The following TM4SF4 variants were observed in gnomAD, a reference collection of about 807,000 sequenced individuals.
TM4SF4 encodes the protein transmembrane 4 L six family member 4.
In TM4SF4, 24 loss-of-function variants were observed where a neutral mutation model predicts 24.1. The ratio of observed to expected loss-of-function variants is 1.00; its 90% confidence interval spans 0.72 to 1.40. The LOEUF (loss-of-function observed/expected upper bound fraction) is 1.40, where lower values mean the gene tolerates loss of function less well. Ranked by LOEUF, TM4SF4 falls within the 40% of genes most tolerant of loss-of-function variation. TM4SF4 has a pLI of 0.00. For synonymous variants in TM4SF4, 113 were observed against 97.0 expected, an observed-to-expected ratio of 1.17 and a Z score of -0.97; for missense variants, 254 against 254.2, an observed-to-expected ratio of 1.00 and a Z score of 0.01.
chr3:149,483,655 C>T (rs1402030924), intron 2 of TM4SF4, among the ~76,000 whole-genome samples: 1 of 151,970 alleles, frequency 6.6e-6, no homozygotes, highest in African/African-American at 2.4e-5. Flanking sequence ...AAAGAAACTT[C>T]AAAAAAGCTC....
chr3:149,498,657 C>A, intron 3 of TM4SF4, 65 bp from the exon 4 acceptor site: 1 of 1,462,604 alleles, frequency 6.8e-7, no homozygotes, highest in Non-Finnish European at 9.5e-7. Context: ...GTTATGGTAA[C>A]TTTCTAGTGG....
intron 2 of TM4SF4, among the ~76,000 whole-genome samples, chr3:149,484,551 T>TG (rs1734085651): frequency 1.1e-5 from 1 of 91,142 alleles, no homozygotes; most frequent in Non-Finnish European, 2.3e-5. Flanking sequence ...ACCCCGCTAA[T>TG]TTTTTTTTTT....
At chr3:149,499,275 A>C (rs563687718) in intron 4 of TM4SF4, among the ~76,000 whole-genome samples, 7 of 152,342 alleles carry the variant, frequency 4.6e-5, no homozygotes, top group African/African-American at 1.7e-4. Flanking sequence ...ATATGGGTAC[A>C]GTGTCAGCGA....
At chr3:149,499,953 T>A (rs1734387345) in intron 4 of TM4SF4, among the ~76,000 whole-genome samples, 2 of 152,166 alleles carry the variant, frequency 1.3e-5, no homozygotes, top group Non-Finnish European at 2.9e-5. Flanking sequence ...TGTACATGTA[T>A]ACACACACAG....
chr3:149,479,958 AG>A (rs1176192145), intron 2 of TM4SF4, among the ~76,000 whole-genome samples: 1 of 152,196 alleles, frequency 6.6e-6, no homozygotes, highest in African/African-American at 2.4e-5. Flanking sequence ...AGATAAAGCA[AG>A]ACAATAAGCT....
At chr3:149,495,847 G>A (rs1372480153) in intron 3 of TM4SF4, 1 of 184,388 alleles carries the variant, frequency 5.4e-6, no homozygotes, top group Non-Finnish European at 1.1e-5. Flanking sequence ...GCCCATGTGT[G>A]TTGAGAGCTC....
At chr3:149,500,229 A>G (rs1209885226) in intron 4 of TM4SF4, among the ~76,000 whole-genome samples, 1 of 152,152 alleles carries the variant, frequency 6.6e-6, no homozygotes, top group Non-Finnish European at 1.5e-5. Flanking sequence ...GGAGGAAAAA[A>G]CAAAATTCTG....
At chr3:149,485,059 GT>G (rs2107869630) in intron 2 of TM4SF4, among the ~76,000 whole-genome samples, 1 of 152,310 alleles carries the variant, frequency 6.6e-6, no homozygotes, top group South Asian at 2.1e-4. Flanking sequence ...AAAATAAAGT[GT>G]TTGAGGAAAT....
intron 3 of TM4SF4, among the ~76,000 whole-genome samples, chr3:149,493,824 C>T (rs1034705367): frequency 6.6e-6 from 1 of 152,186 alleles, no homozygotes; most frequent in African/African-American, 2.4e-5. Flanking sequence ...GGAAACCAAA[C>T]CCAGGCTGAG....
At chr3:149,483,316 G>T (rs1734066058) in intron 2 of TM4SF4, among the ~76,000 whole-genome samples, 2 of 152,122 alleles carry the variant, frequency 1.3e-5, no homozygotes, top group African/African-American at 2.4e-5. Flanking sequence ...CTCTCAGTAA[G>T]AATTGTAGGC....
chr3:149,487,589 A>C, intron 2 of TM4SF4, 30 bp from the exon 3 acceptor site: 1 of 1,613,450 alleles, frequency 6.2e-7, no homozygotes, highest in Non-Finnish European at 8.5e-7. Flanking sequence ...CCACCTGGAG[A>C]ATGTGACTGT....
chr3:149,493,546 A>G (rs772315342), intron 3 of TM4SF4, among the ~76,000 whole-genome samples: 14 of 152,242 alleles, frequency 9.2e-5, no homozygotes, highest in Non-Finnish European at 1.8e-4. Context: ...GTTCAAATAA[A>G]GTAGCATCTC....
chr3:149,491,880 C>T (rs1734217113), intron 3 of TM4SF4, among the ~76,000 whole-genome samples: 5 of 152,180 alleles, frequency 3.3e-5, no homozygotes, highest in Admixed American at 2.0e-4. Flanking sequence ...CCTCAGAGCA[C>T]TGTGTGGCAG....
At chr3:149,476,786 T>C (rs542986966) in intron 2 of TM4SF4, among the ~76,000 whole-genome samples, 3 of 136,566 alleles carry the variant, frequency 2.2e-5, no homozygotes, top group South Asian at 4.4e-4. Flanking sequence ...TTCTTTTTTC[T>C]TTTCTGTTTT....
At chr3:149,480,820 C>G (rs1734021015) in intron 2 of TM4SF4, among the ~76,000 whole-genome samples, 1 of 151,884 alleles carries the variant, frequency 6.6e-6, no homozygotes, top group African/African-American at 2.4e-5. Flanking sequence ...CCCTAAGCTC[C>G]TATTTTTATT....
intron 3 of TM4SF4, among the ~76,000 whole-genome samples, chr3:149,497,139 C>T (rs1734325946): frequency 6.6e-6 from 1 of 152,210 alleles, no homozygotes. Context: ...CAGCTCTTTC[C>T]ATTAGACTAG....
intron 2 of TM4SF4, among the ~76,000 whole-genome samples, chr3:149,480,664 T>A (rs1388203353): frequency 3.3e-5 from 5 of 152,014 alleles, no homozygotes; most frequent in Non-Finnish European, 7.4e-5. Context: ...GCCAAAAGCA[T>A]CCCTAATCTA....
Position 149,474,773 on chromosome 3 carries a change from T to C in TM4SF4, c.-105T>C, listed in dbSNP as rs1733892645. 7.3e-6 allele frequency: 9 copies of C among 1,239,956 alleles called. No individual in the cohort carries two copies. The highest frequency in any genetic ancestry group is 1.7e-5 in the South Asian group (1 of 60,012). 76.8% of individuals were successfully genotyped at this position (1,239,956 alleles called of 1,614,324 possible). A position where few individuals can be genotyped will look rare whatever the true frequency, so the allele number is the denominator to read the frequency against. ...TCTCAGCCCCAAAATACTGATTGAA[T>C]TGGAGACAATTACAAGGACTCTCTG... On this transcript the variant is annotated 5_prime_UTR_variant, in exon 1 of 5. Coordinates refer to ENST00000305354, the MANE Select transcript of TM4SF4 (RefSeq NM_004617.4).
chr3:149,475,628 G>A (rs1318761417), intron 1 of TM4SF4, among the ~76,000 whole-genome samples, 195 bp from the exon 2 acceptor site: 1 of 152,172 alleles, frequency 6.6e-6, no homozygotes, highest in Non-Finnish European at 1.5e-5. Flanking sequence ...CCTCATTGAA[G>A]CTGGTTAGTC....
Sources: allele counts gnomAD v4.1 joint callset (sites outside exome capture counted in the v4.1 genomes callset), GRCh38; gene constraint gnomAD v4.1.1; transcripts MANE v1.5; gene names NCBI Gene and HGNC (gene_info 2026-07-23, HGNC 2026-07-21).